The following ZCCHC8 variants were observed in gnomAD, a reference collection of about 807,000 sequenced individuals.
ZCCHC8 encodes zinc finger CCHC domain-containing protein 8.
In ZCCHC8, 27 loss-of-function variants were observed where a neutral mutation model predicts 70.6. That is an observed-to-expected ratio of 0.38 (90% CI 0.28 to 0.53). ZCCHC8 has a LOEUF of 0.53. ZCCHC8 is among the 20% of genes least tolerant of loss of function. The probability of loss-of-function intolerance (pLI) is 0.81; values close to 1 mark genes in which losing one functional copy is unlikely to be tolerated. For synonymous variants in ZCCHC8, 293 were observed against 317.4 expected, an observed-to-expected ratio of 0.92 and a Z score of 0.82; for missense variants, 737 against 876.9, an observed-to-expected ratio of 0.84 and a Z score of 2.01.
intron 3 of ZCCHC8, 28 bp from the exon 4 acceptor site, chr12:122,490,595 C>T (rs749164816): frequency 6.9e-7 from 1 of 1,445,506 alleles, no homozygotes; most frequent in East Asian, 2.3e-5. Context: ...ATGGTCAGAA[C>T]CCAGACAGAG....
chr12:122,474,035 G>A lies in ZCCHC8; in HGVS notation c.1586C>T (p.Ala529Val). The change falls in exon 14 of 14, where the codon GCA becomes GTA. Residue 529 changes from alanine to valine, a missense_variant. Transcript: ENST00000633063. ...TACGCTCTCGGCCTGCTCAAGAGCTGCCCAGATCCGCCTCTGCTGTTCTTC... is the reference window on the plus strand; with the variant it reads ...TACGCTCTCGGCCTGCTCAAGAGCTACCCAGATCCGCCTCTGCTGTTCTTC... ...ELEEQQRRIW[A>V]ALEQAESVNS... The A allele has an allele frequency of 6.5e-7, 1 of 1,533,228 alleles. No individual in the cohort carries two copies. Among genetic ancestry groups the A allele is most frequent in the East Asian group, 2.3e-5 (1 of 44,338 alleles). The allele number at this position is 1,533,228 out of a possible 1,614,324, so 95.0% of individuals were successfully genotyped here. A position where few individuals can be genotyped will look rare whatever the true frequency, so the allele number is the denominator to read the frequency against.
At chr12:122,489,349 T>C in intron 5 of ZCCHC8, 37 bp downstream of exon 5, 1 of 1,597,910 alleles carries the variant, frequency 6.3e-7, no homozygotes, top group East Asian at 2.2e-5. Context: ...AGGAAACACC[T>C]ATTGGCTGAA....
At chr12:122,479,356 C>T (rs1205938063) in intron 11 of ZCCHC8, among the ~76,000 whole-genome samples, 1 of 152,194 alleles carries the variant, frequency 6.6e-6, no homozygotes, top group African/African-American at 2.4e-5. Context: ...GGATTACAGG[C>T]ACGGGCCACT....
In ZCCHC8 at chr12:122,472,047, T is replaced by C. The variant is rs1002074908; in HGVS notation, c.*1450A>G. The C allele has an allele frequency of 3.9e-5, 6 of 152,164 alleles. No individual in the cohort carries two copies. Among genetic ancestry groups the C allele is most frequent in the Non-Finnish European group, 8.8e-5 (6 of 68,026 alleles). The allele number at this position is 152,164 out of a possible 1,614,324, so 9.4% of individuals were successfully genotyped here. A position where few individuals can be genotyped will look rare whatever the true frequency, so the allele number is the denominator to read the frequency against. ...AGGGTTCAAATCTAGAAAATTATTT[T>C]TATACAAAGGCTAGCTGCATGCCAT... On this transcript the variant is annotated 3_prime_UTR_variant, in exon 14 of 14. Coordinates refer to ENST00000633063, the MANE Select transcript of ZCCHC8 (RefSeq NM_017612.5).
At chr12:122,496,917 C>A (rs956539429) in intron 2 of ZCCHC8, among the ~76,000 whole-genome samples, 5 of 151,882 alleles carry the variant, frequency 3.3e-5, no homozygotes, top group Non-Finnish European at 7.4e-5. Context: ...GAAGCCGAGG[C>A]GGGCAGATCA....
chr12:122,474,235 A>C lies in ZCCHC8; in HGVS notation c.1386T>G (p.Phe462Leu), dbSNP rs1042900505. The C allele has an allele frequency of 6.8e-7, 1 of 1,479,810 alleles. No individual in the cohort carries two copies. Among genetic ancestry groups the C allele is most frequent in the Non-Finnish European group, 8.9e-7 (1 of 1,120,744 alleles). 91.7% of individuals were successfully genotyped at this position (1,479,810 alleles called of 1,614,324 possible). The change falls in exon 14 of 14, where the codon TTT (phenylalanine) becomes TTG (leucine). Residue 462 changes from phenylalanine to leucine, a missense_variant. Coordinates refer to ENST00000633063, the MANE Select transcript of ZCCHC8 (RefSeq NM_017612.5). ...CAGGAGGTAATGGTGGTTGAAACTG[A>C]AAACTTTCGCTGCTCTGAGAACCAT... Reference protein sequence around the residue: ...VPHGSQSSESFQFQPPLPPDT... With the variant: ...VPHGSQSSESLQFQPPLPPDT...
chr12:122,474,040 G>T lies in ZCCHC8; in HGVS notation c.1581C>A (p.Ile527=). 1.3e-6 allele frequency: 2 copies of T among 1,531,802 alleles called. No individual in the cohort carries two copies. The highest frequency in any genetic ancestry group is 1.8e-4 in the Middle Eastern group (1 of 5,664). 94.9% of individuals were successfully genotyped at this position (1,531,802 alleles called of 1,614,324 possible). ...TCTCGGCCTGCTCAAGAGCTGCCCA[G>T]ATCCGCCTCTGCTGTTCTTCAAGTT... ...LEELEEQQRR[I]WAALEQAESV... is the part of the protein sequence containing the mutation. Residue 527 remains isoleucine, a synonymous_variant, in exon 14 of 14, where the codon ATC becomes ATA. Coordinates refer to ENST00000633063, the MANE Select transcript of ZCCHC8 (RefSeq NM_017612.5).
Position 122,500,880 on chromosome 12 carries a change from C to T in ZCCHC8, c.-40G>A, listed in dbSNP as rs775128824. The T allele has an allele frequency of 2.6e-6, 4 of 1,545,176 alleles. No homozygotes were observed. Among genetic ancestry groups the T allele is most frequent in the East Asian group, 4.9e-5 (2 of 40,946 alleles). On this transcript the variant is annotated 5_prime_UTR_variant, in exon 1 of 14. Transcript: ENST00000633063. The surrounding 1 kb of genome is among the most constrained non-coding windows in gnomAD (Gnocchi z 4.8). ...AAGATTCGAGAAGAGGCGGAGCCGG[C>T]CACCAGGGCTTGGGGAAGAAGGTTG...
intron 1 of ZCCHC8, chr12:122,499,573 G>A (rs1593338767): frequency 2.0e-5 from 3 of 152,206 alleles, no homozygotes; most frequent in African/African-American, 7.2e-5. Context: ...TGGGATTACA[G>A]GCTTGAGCCA....
chr12:122,493,903 G>A (rs549561718), intron 2 of ZCCHC8, among the ~76,000 whole-genome samples: 5 of 152,148 alleles, frequency 3.3e-5, no homozygotes, highest in Admixed American at 6.5e-5. Context: ...GTGAGCCACC[G>A]CGCCCAGCCT....
intron 10 of ZCCHC8, 130 bp from the exon 11 acceptor site, chr12:122,480,441 C>T: frequency 3.2e-6 from 2 of 626,322 alleles, no homozygotes; most frequent in Non-Finnish European, 4.7e-6. Flanking sequence ...TTTCAATTTT[C>T]ATTATAATTT....
intron 12 of ZCCHC8, 101 bp from the exon 13 acceptor site, chr12:122,478,059 A>C: frequency 2.5e-6 from 3 of 1,212,426 alleles, no homozygotes; most frequent in Non-Finnish European, 3.6e-6. Context: ...TCTGGAGTTA[A>C]GTCTAGGTAA....
chr12:122,489,483 A>G lies in ZCCHC8; in HGVS notation c.424-20T>C, dbSNP rs777449272. On this transcript the variant is annotated intron_variant, in intron 4 of 13. Transcript: ENST00000633063. ...GGATGGCTAATACAAAGAAAAACAC[A>G]TATTACAACCGGTAACCAATTTTTA... 1.5e-5 allele frequency: 24 copies of G among 1,609,482 alleles called. No homozygotes were observed. In the Admixed American group the frequency reaches 2.3e-4, roughly 16 times the overall value.
At chr12:122,485,218 G>A (rs1304989196) in intron 5 of ZCCHC8, among the ~76,000 whole-genome samples, 4 of 152,024 alleles carry the variant, frequency 2.6e-5, no homozygotes, top group African/African-American at 4.8e-5. Flanking sequence ...GGGTTCAAGC[G>A]ATTCTCCTGC....
intron 2 of ZCCHC8, among the ~76,000 whole-genome samples, chr12:122,494,829 G>A (rs962369257): frequency 1.3e-5 from 2 of 152,272 alleles, no homozygotes; most frequent in East Asian, 1.9e-4. Context: ...CACTCCAGCC[G>A]GGGTGACAGA....
At chr12:122,478,444 GTGTT>G (rs1282221949) in intron 11 of ZCCHC8, 152 bp from the exon 12 acceptor site, 3 of 621,714 alleles carry the variant, frequency 4.8e-6, no homozygotes, top group Non-Finnish European at 8.4e-6. Context: ...GGAAAATAAT[GTGTT>G]GAAGGAAAAC....
chr12:122,474,130 G>A lies in ZCCHC8; in HGVS notation c.1491C>T (p.Pro497=), dbSNP rs1957369258. The A allele has an allele frequency of 6.6e-7, 1 of 1,509,750 alleles. No individual in the cohort carries two copies. Among genetic ancestry groups the A allele is most frequent in the Admixed American group, 2.4e-5 (1 of 41,280 alleles). 93.5% of individuals were successfully genotyped at this position (1,509,750 alleles called of 1,614,324 possible). ...CTGTTCTGGTCTGGGGTGAGTCACT[G>A]GGAGTCAGCGGCGGGGTGCCCTTTG... The part of the protein sequence containing the change: ...PLPKGTPPLT[P]SDSPQTRTAS... Residue 497 remains proline, a synonymous_variant, in exon 14 of 14, where the codon CCC becomes CCT. Coordinates refer to ENST00000633063, the MANE Select transcript of ZCCHC8 (RefSeq NM_017612.5).
At position 122,473,423 on chromosome 12, in the gene ZCCHC8, T is replaced by A. The variant is rs1957350028; in HGVS notation, c.*74A>T. The A allele has an allele frequency of 4.8e-6, 7 of 1,445,942 alleles. No individual in the cohort carries two copies. The East Asian group carries it at 1.6e-4, about 34-fold the overall frequency. 89.6% of individuals were successfully genotyped at this position (1,445,942 alleles called of 1,614,324 possible). A position where few individuals can be genotyped will look rare whatever the true frequency, so the allele number is the denominator to read the frequency against. ...TGGGAGGGACAAACAGGAAAACCAT[T>A]CTATCTATCCACTTAATTAGTACTA... On this transcript the variant is annotated 3_prime_UTR_variant, in exon 14 of 14. Coordinates refer to ENST00000633063, the MANE Select transcript of ZCCHC8 (RefSeq NM_017612.5).
At chr12:122,488,980 C>G (rs1454326177) in intron 5 of ZCCHC8, among the ~76,000 whole-genome samples, 1 of 152,156 alleles carries the variant, frequency 6.6e-6, no homozygotes, top group Non-Finnish European at 1.5e-5. Flanking sequence ...TGTAGGTCAT[C>G]CCTGTTAACT....
Sources: allele counts gnomAD v4.1 joint callset (sites outside exome capture counted in the v4.1 genomes callset), GRCh38; gene constraint gnomAD v4.1.1; non-coding constraint Gnocchi (gnomAD v3.1); transcripts MANE v1.5; gene names NCBI Gene and HGNC (gene_info 2026-07-23, HGNC 2026-07-21).